NAALADL2: variants seen among roughly 807,000 people sequenced by gnomAD.
NAALADL2 encodes N-acetylated alpha-linked acidic dipeptidase like 2.
NAALADL2 carries 76 observed loss-of-function variants against 87.2 expected under a neutral mutation model. That is an observed-to-expected ratio of 0.87 (90% confidence interval 0.72 to 1.05). The LOEUF (loss-of-function observed/expected upper bound fraction) is 1.05, where lower values mean the gene tolerates loss of function less well. Among genes scored for constraint, NAALADL2 ranks in the 50% least tolerant of loss-of-function variants. NAALADL2 has a pLI of 0.00. For synonymous variants in NAALADL2, 354 were observed against 331.0 expected (o/e 1.07, Z -0.75); for missense variants, 1,089 against 945.8 (o/e 1.15, Z -1.99).
intron 3 of NAALADL2, among the ~76,000 whole-genome samples, chr3:174,752,073 G>T (rs1734887351): frequency 6.6e-6 from 1 of 152,040 alleles, no homozygotes; most frequent in South Asian, 2.1e-4. Context: ...TGCCTCCCGG[G>T]TTCACGCCAT....
chr3:175,290,439 T>C (rs1054652591), intron 4 of NAALADL2, among the ~76,000 whole-genome samples: 3 of 152,158 alleles, frequency 2.0e-5, no homozygotes, highest in Admixed American at 6.6e-5. Flanking sequence ...TTTCCTACAA[T>C]TGGCAGTTGG....
chr3:174,710,508 C>A (rs1730524652), intron 2 of NAALADL2, among the ~76,000 whole-genome samples: 1 of 152,116 alleles, frequency 6.6e-6, no homozygotes, highest in Non-Finnish European at 1.5e-5. Flanking sequence ...CCCGCCTTGG[C>A]CTCCCAAAGT....
At chr3:175,757,311 C>T (rs1256834677) in intron 13 of NAALADL2, among the ~76,000 whole-genome samples, 1 of 151,930 alleles carries the variant, frequency 6.6e-6, no homozygotes, top group Non-Finnish European at 1.5e-5. Flanking sequence ...GTAGCAAAAG[C>T]CTTATCACTG....
At chr3:175,780,534 T>A (rs1750905579) in intron 13 of NAALADL2, among the ~76,000 whole-genome samples, 1 of 150,956 alleles carries the variant, frequency 6.6e-6, no homozygotes, top group Admixed American at 6.6e-5. Flanking sequence ...TCAGACAAGA[T>A]TTTTCTCTGA....
chr3:175,780,509 G>T (rs1317839482), intron 13 of NAALADL2, among the ~76,000 whole-genome samples: 1 of 151,864 alleles, frequency 6.6e-6, no homozygotes, highest in South Asian at 2.1e-4. Flanking sequence ...GAAAAGAAAC[G>T]GTTCCAAAAT....
chr3:174,773,534 G>A (rs1158653339), intron 3 of NAALADL2, among the ~76,000 whole-genome samples: 1 of 152,110 alleles, frequency 6.6e-6, no homozygotes, highest in Admixed American at 6.6e-5. Flanking sequence ...GGTAGCTTAG[G>A]CAGAACTATG....
chr3:175,194,441 C>T (rs115803377), intron 2 of NAALADL2, among the ~76,000 whole-genome samples: 13 of 151,934 alleles, frequency 8.6e-5, no homozygotes, highest in Non-Finnish European at 1.8e-4. Context: ...AGGGGCTTGA[C>T]AGAAGTATTT....
intron 1 of NAALADL2, among the ~76,000 whole-genome samples, chr3:174,961,222 G>T (rs1404986509): frequency 6.6e-6 from 1 of 150,868 alleles, no homozygotes; most frequent in Non-Finnish European, 1.5e-5. Flanking sequence ...GTCTTCAAGT[G>T]ATCCTCCCAC....
At chr3:175,752,879 C>G (rs1225919098) in intron 12 of NAALADL2, among the ~76,000 whole-genome samples, 2 of 152,042 alleles carry the variant, frequency 1.3e-5, no homozygotes, top group African/African-American at 4.8e-5. Context: ...TTCTGTTGTT[C>G]AGTCTTTCCA....
At position 174,720,415 on chromosome 3, in the gene NAALADL2, C is replaced by T. The variant is rs943931296; in HGVS notation, c.-114-17226C>T. The stretch of plus-strand genomic sequence containing the variant: ...GATAGGTAATCTAGGATAAATCAGT[C>T]ATATGTACATTATATGATAGCTATA... On this transcript the variant is annotated intron_variant, in intron 2 of 3. Transcript: ENST00000434257. 7.2e-5 allele frequency among the ~76,000 whole-genome samples: 11 copies of T among 151,948 alleles called. No homozygotes were observed. The South Asian group carries it at 1.5e-3, about 20-fold the overall frequency.
chr3:175,226,058 A>G (rs761289799), intron 2 of NAALADL2, among the ~76,000 whole-genome samples: 5 of 152,128 alleles, frequency 3.3e-5, no homozygotes, highest in Non-Finnish European at 5.9e-5. Flanking sequence ...CAAATCAATT[A>G]AAGTATTTGT....
At chr3:174,551,950 T>C (rs1353801539) in intron 2 of NAALADL2, among the ~76,000 whole-genome samples, 1 of 152,214 alleles carries the variant, frequency 6.6e-6, no homozygotes, top group Non-Finnish European at 1.5e-5. Context: ...TTATGTATAC[T>C]TGGAGAAGTT....
Position 175,496,492 on chromosome 3 carries a change from A to G in NAALADL2, c.1653+24734A>G, listed in dbSNP as rs1020371063. Among the ~76,000 whole-genome samples the G allele has an allele frequency of 2.0e-5, 3 of 152,026 alleles. No homozygotes were observed. The East Asian group carries it at 5.8e-4, about 29-fold the overall frequency. Reference sequence around the variant, plus strand: ...CTCCTGGCAAACCAGATGCACACCAATTTCATATTTGGATTCTTTCACTTC... The same window carrying G: ...CTCCTGGCAAACCAGATGCACACCAGTTTCATATTTGGATTCTTTCACTTC... On this transcript the variant is annotated intron_variant, in intron 9 of 13. Transcript: ENST00000454872.
At chr3:175,137,949 C>G (rs79377880) in intron 2 of NAALADL2, among the ~76,000 whole-genome samples, 34 of 152,106 alleles carry the variant, frequency 2.2e-4, no homozygotes, top group African/African-American at 7.7e-4. Flanking sequence ...TTTAACTCTC[C>G]TGATAATAAT....
At chr3:175,425,124 C>T (rs1307304277) in intron 5 of NAALADL2, among the ~76,000 whole-genome samples, 1 of 152,144 alleles carries the variant, frequency 6.6e-6, no homozygotes, top group African/African-American at 2.4e-5. Flanking sequence ...ATGGAATTTT[C>T]TGCCTTAGAC....
intron 1 of NAALADL2, among the ~76,000 whole-genome samples, chr3:174,944,358 G>T (rs78697592): frequency 1.8e-4 from 28 of 152,110 alleles, no homozygotes; most frequent in Non-Finnish European, 3.4e-4. Flanking sequence ...TCTGCCCCTG[G>T]TCAGCTTGAA....
chr3:174,544,352 T>C (rs546564126), intron 1 of NAALADL2, among the ~76,000 whole-genome samples: 3 of 152,124 alleles, frequency 2.0e-5, no homozygotes, highest in Non-Finnish European at 4.4e-5. Flanking sequence ...CATTTATAAC[T>C]ATGTGAATAT....
At chr3:175,562,858 G>C (rs1716489751) in intron 9 of NAALADL2, among the ~76,000 whole-genome samples, 1 of 151,802 alleles carries the variant, frequency 6.6e-6, no homozygotes. Context: ...GGAAAGATTT[G>C]ACTTTCTAAA....
intron 2 of NAALADL2, among the ~76,000 whole-genome samples, chr3:175,188,579 C>T (rs1212449380): frequency 6.6e-6 from 1 of 152,088 alleles, no homozygotes; most frequent in Non-Finnish European, 1.5e-5. Flanking sequence ...TCTCATCCTC[C>T]AGGCCAAATA....
Sources: gnomAD v4.1 joint callset for allele counts (sites outside exome capture counted in the v4.1 genomes callset) on GRCh38, gnomAD v4.1.1 for gene constraint, MANE v1.5 for transcripts, NCBI Gene and HGNC (gene_info 2026-07-23, HGNC 2026-07-21) for gene names.